USP12: variants seen among roughly 807,000 people sequenced by gnomAD.
USP12 encodes ubiquitin carboxyl-terminal hydrolase 12.
A neutral mutation model predicts 45.5 loss-of-function variants in USP12; 19 were observed. The observed-to-expected ratio is 0.42, with a 90% CI of 0.29 to 0.61. The LOEUF (loss-of-function observed/expected upper bound fraction) is 0.61, where lower values mean the gene tolerates loss of function less well. Among genes scored for constraint, USP12 ranks in the 20% least tolerant of loss-of-function variants. USP12 has a pLI of 0.22. For missense variants in USP12, 242 were observed against 447.7 expected, an observed-to-expected ratio of 0.54 and a Z score of 4.15; for synonymous variants, 149 against 148.8, an observed-to-expected ratio of 1.00 and a Z score of -0.01.
chr13:27,114,020 T>A (rs1875592694), intron 2 of USP12, among the ~76,000 whole-genome samples: 3 of 152,216 alleles, frequency 2.0e-5, no homozygotes. Context: ...CAATCATAAT[T>A]TTATAATAAA....
intron 1 of USP12, among the ~76,000 whole-genome samples, chr13:27,132,130 T>C (rs1876531982): frequency 6.6e-6 from 1 of 152,220 alleles, no homozygotes; most frequent in African/African-American, 2.4e-5. Context: ...CTATCCCTCA[T>C]TTCCTCCACC....
At chr13:27,149,239 T>G (rs1199284167) in intron 1 of USP12, among the ~76,000 whole-genome samples, 1 of 152,178 alleles carries the variant, frequency 6.6e-6, no homozygotes, top group Non-Finnish European at 1.5e-5. Context: ...AAAGAGCTCC[T>G]CAATCTGACA....
At chr13:27,160,900 G>A (rs895002911) in intron 1 of USP12, among the ~76,000 whole-genome samples, 3 of 151,758 alleles carry the variant, frequency 2.0e-5, no homozygotes, top group South Asian at 2.1e-4. Flanking sequence ...CCATCTCCCC[G>A]GGTTAAGCCC....
chr13:27,075,486 GGTCA>G, intron 6 of USP12, 98 bp from the exon 7 acceptor site: 1 of 1,143,768 alleles, frequency 8.7e-7, no homozygotes, highest in Non-Finnish European at 1.2e-6. Context: ...GATAGACAAT[GGTCA>G]GTTTTAATAG....
intron 6 of USP12, 99 bp downstream of exon 6, chr13:27,089,784 A>T: frequency 8.9e-7 from 1 of 1,125,974 alleles, no homozygotes; most frequent in Non-Finnish European, 1.3e-6. Context: ...AAGAATTTTT[A>T]CTCAATGTAA....
chr13:27,168,141 T>A (rs1359709009), intron 1 of USP12, among the ~76,000 whole-genome samples: 1 of 152,146 alleles, frequency 6.6e-6, no homozygotes, highest in Non-Finnish European at 1.5e-5. Context: ...AGCTTTGGCC[T>A]CATTACCACC....
Position 27,073,060 on chromosome 13 carries a change from A to G in USP12, c.933-1911T>C, listed in dbSNP as rs148957371. On this transcript the variant is annotated intron_variant, in intron 7 of 8. Transcript: ENST00000282344. Reference sequence around the variant, plus strand: ...GTACATAAAGCACTAAGACAGGGCTAGCAATGCACGTCTAGTATTTATGTG... The same window carrying G: ...GTACATAAAGCACTAAGACAGGGCTGGCAATGCACGTCTAGTATTTATGTG... 6.7e-3 allele frequency among the ~76,000 whole-genome samples: 1,016 copies of G among 152,368 alleles called. 10 individuals are homozygous for G. The highest frequency in any genetic ancestry group is 0.023 in the African/African-American group (940 of 41,594).
intron 8 of USP12, among the ~76,000 whole-genome samples, chr13:27,070,335 C>T (rs1193486624): frequency 6.6e-6 from 1 of 152,092 alleles, no homozygotes; most frequent in Non-Finnish European, 1.5e-5. Context: ...GAAGGAGGAA[C>T]AAGGGGGCCT....
At chr13:27,121,389 A>G (rs544523057) in intron 1 of USP12, among the ~76,000 whole-genome samples, 64 of 152,318 alleles carry the variant, frequency 4.2e-4, no homozygotes, top group Non-Finnish European at 4.4e-4. Context: ...CCACTCCACA[A>G]AAGGCAGAAT....
chr13:27,160,519 G>A (rs890833175), intron 1 of USP12, among the ~76,000 whole-genome samples: 4 of 149,614 alleles, frequency 2.7e-5, no homozygotes, highest in Non-Finnish European at 4.4e-5. Context: ...TGCAACACCA[G>A]ACAATGAAAA....
intron 1 of USP12, among the ~76,000 whole-genome samples, chr13:27,165,356 A>G (rs898406416): frequency 2.0e-5 from 3 of 152,206 alleles, no homozygotes; most frequent in East Asian, 3.8e-4. Flanking sequence ...CTACTAATAA[A>G]CTAACGTTTC....
intron 1 of USP12, among the ~76,000 whole-genome samples, chr13:27,159,341 A>G (rs895999875): frequency 1.3e-5 from 2 of 152,246 alleles, no homozygotes; most frequent in African/African-American, 4.8e-5. Flanking sequence ...CCATGACATT[A>G]TATTTCAAAG....
chr13:27,117,094 A>C (rs917494590), intron 1 of USP12, among the ~76,000 whole-genome samples: 1 of 152,226 alleles, frequency 6.6e-6, no homozygotes, highest in Non-Finnish European at 1.5e-5. Flanking sequence ...TAACACAAAG[A>C]AAAGAAAAAG....
At chr13:27,099,642 G>A (rs1235870671) in intron 3 of USP12, among the ~76,000 whole-genome samples, 1 of 151,886 alleles carries the variant, frequency 6.6e-6, no homozygotes, top group East Asian at 1.9e-4. Flanking sequence ...TTCTCCCTAG[G>A]AATTTTCCCT....
intron 2 of USP12, among the ~76,000 whole-genome samples, chr13:27,108,389 G>T (rs976306654): frequency 4.0e-5 from 6 of 151,226 alleles, no homozygotes; most frequent in African/African-American, 9.7e-5. Flanking sequence ...GTTGTGGGGT[G>T]GGGGGAGAGG....
chr13:27,136,751 A>G (rs570416972), intron 1 of USP12, among the ~76,000 whole-genome samples: 1 of 152,338 alleles, frequency 6.6e-6, no homozygotes, highest in Non-Finnish European at 1.5e-5. Flanking sequence ...CCATATGCTC[A>G]GGGAGCATTC....
rs1343835143 is a variant in USP12, at chr13:27,086,185, A to ATAT, written c.734+3697_734+3698insATA. Among the ~76,000 whole-genome samples the ATAT allele has an allele frequency of 6.2e-3, 365 of 58,764 alleles. 1 individual carries two copies. The highest frequency in any genetic ancestry group is 7.8e-3 in the African/African-American group (138 of 17,798). The allele number at this position is 58,764 out of a possible 152,430, so 38.6% of individuals were successfully genotyped here. On this transcript the variant is annotated intron_variant, in intron 6 of 8. Coordinates refer to ENST00000282344, the MANE Select transcript of USP12 (RefSeq NM_182488.4). ...ATCTTTTGTCTCTTTAAAAAAAAAAAAAAAAAAAAAAAATATATATATATA... is the reference window on the plus strand; with the variant it reads ...ATCTTTTGTCTCTTTAAAAAAAAAAATATAAAAAAAAAAAAATATATATATATA...
At chr13:27,165,362 G>A (rs1247415666) in intron 1 of USP12, among the ~76,000 whole-genome samples, 2 of 151,918 alleles carry the variant, frequency 1.3e-5, no homozygotes, top group East Asian at 1.9e-4. Flanking sequence ...ATAAACTAAC[G>A]TTTCTTATAA....
At chr13:27,170,348 C>T (rs1878532812) in intron 1 of USP12, 2 of 397,818 alleles carry the variant, frequency 5.0e-6, no homozygotes, top group Admixed American at 8.8e-5. Context: ...AAAATATATA[C>T]AATGTACCAC....
Sources: allele counts gnomAD v4.1 joint callset (sites outside exome capture counted in the v4.1 genomes callset), GRCh38; gene constraint gnomAD v4.1.1; transcripts MANE v1.5; gene names NCBI Gene and HGNC (gene_info 2026-07-23, HGNC 2026-07-21).